Variants in MTNAP1 observed in about 807,000 individuals in gnomAD.
MTNAP1 encodes the protein mitochondrial nucleoid-associated protein 1.
chr17:73,235,856 A>T, the MTNAP1 span: 1 of 1,614,072 alleles, frequency 6.2e-7, no homozygotes, highest in African/African-American at 1.3e-5. Flanking sequence ...ATGTTAAAAA[A>T]TACTAAACCA....
At chr17:73,235,530 G>A in the MTNAP1 span, 2 of 1,613,864 alleles carry the variant, frequency 1.2e-6, no homozygotes, top group South Asian at 1.1e-5. Flanking sequence ...ACTGTAAGAA[G>A]CCATTTAAAC....
the MTNAP1 span, chr17:73,245,690 G>A: frequency 1.0e-6 from 1 of 985,372 alleles, no homozygotes; most frequent in Non-Finnish European, 1.2e-6. Context: ...TAAGGTGTGA[G>A]AAACACAAGA....
the MTNAP1 span, chr17:73,242,324 A>G: frequency 1.2e-6 from 2 of 1,602,202 alleles, no homozygotes; most frequent in South Asian, 1.1e-5. Context: ...CTTCTCTCTA[A>G]TGAGGCTCTT....
the MTNAP1 span, chr17:73,236,063 C>T: frequency 6.2e-7 from 1 of 1,614,124 alleles, no homozygotes; most frequent in Non-Finnish European, 8.5e-7. Flanking sequence ...TCAACTCTAC[C>T]TAATGATGTA....
the MTNAP1 span, chr17:73,242,945 C>T: frequency 2.5e-6 from 4 of 1,614,050 alleles, no homozygotes; most frequent in Admixed American, 6.7e-5. Flanking sequence ...TCGGTGGCAT[C>T]ACGATGCTCT....
At chr17:73,245,072 T>C in the MTNAP1 span, 1 of 1,205,784 alleles carries the variant, frequency 8.3e-7, no homozygotes, top group Non-Finnish European at 1.2e-6. Context: ...TCTAAACTTA[T>C]AAAACAAAAA....
chr17:73,247,117 AGCCCTGCTCAT>A, the MTNAP1 span: 1 of 794,486 alleles, frequency 1.3e-6, no homozygotes, highest in African/African-American at 1.7e-5. Flanking sequence ...TACAAAAACA[AGCCCTGCTCAT>A]TTGGTTAGGT....
chr17:73,234,430 G>A, the MTNAP1 span, among the ~76,000 whole-genome samples: 95 of 145,668 alleles, frequency 6.5e-4, 1 homozygote, highest in East Asian at 0.019. Flanking sequence ...GGTGTCTCAC[G>A]CCTGTAATCC....
the MTNAP1 span, chr17:73,242,151 C>T: frequency 1.3e-6 from 1 of 749,744 alleles, no homozygotes; most frequent in African/African-American, 1.8e-5. Flanking sequence ...TATGCTCTTC[C>T]TGAGGCTTAG....
chr17:73,238,589 G>T, the MTNAP1 span, among the ~76,000 whole-genome samples: 1 of 152,188 alleles, frequency 6.6e-6, no homozygotes, highest in Non-Finnish European at 1.5e-5. Flanking sequence ...CAAAGTTGTA[G>T]TCACAAAGTC....
At chr17:73,236,237 C>G in the MTNAP1 span, 1 of 1,614,076 alleles carries the variant, frequency 6.2e-7, no homozygotes, top group Non-Finnish European at 8.5e-7. Flanking sequence ...GAGAGAGATT[C>G]CAAAGGCAGG....
At chr17:73,234,536 C>G in the MTNAP1 span, among the ~76,000 whole-genome samples, 1 of 151,826 alleles carries the variant, frequency 6.6e-6, no homozygotes. Context: ...ACTAAAAATA[C>G]AAAAATTAGC....
At chr17:73,239,085 C>T in the MTNAP1 span, among the ~76,000 whole-genome samples, 2 of 151,982 alleles carry the variant, frequency 1.3e-5, no homozygotes, top group South Asian at 2.1e-4. Flanking sequence ...TACAGGTATG[C>T]GCCACCACGC....
chr17:73,240,017 G>C, the MTNAP1 span, among the ~76,000 whole-genome samples: 1 of 152,192 alleles, frequency 6.6e-6, no homozygotes, highest in African/African-American at 2.4e-5. Flanking sequence ...GCCTCAAGTA[G>C]AGTTTAAAGA....
At chr17:73,243,451 G>A in the MTNAP1 span, among the ~76,000 whole-genome samples, 1 of 152,012 alleles carries the variant, frequency 6.6e-6, no homozygotes, top group Non-Finnish European at 1.5e-5. Flanking sequence ...ACTGCACCTG[G>A]CAGGCTCCGG....
the MTNAP1 span, chr17:73,247,505 T>TA: frequency 1.6e-6 from 1 of 619,132 alleles, no homozygotes; most frequent in Non-Finnish European, 2.9e-6. Flanking sequence ...CTGCTATAAA[T>TA]AAAGTAGTAT....
chr17:73,243,962 C>G, the MTNAP1 span, among the ~76,000 whole-genome samples: 2 of 152,144 alleles, frequency 1.3e-5, no homozygotes, highest in East Asian at 3.8e-4. Flanking sequence ...ACCTTTACAC[C>G]ACAAAAGAGA....
At chr17:73,242,931 G>A in the MTNAP1 span, 1 of 1,613,944 alleles carries the variant, frequency 6.2e-7, no homozygotes, top group South Asian at 1.1e-5. Context: ...AAGGAAGAGT[G>A]GATTCGGTGG....
the MTNAP1 span, among the ~76,000 whole-genome samples, chr17:73,244,331 G>A: frequency 1.3e-5 from 2 of 152,104 alleles, no homozygotes; most frequent in Non-Finnish European, 2.9e-5. Context: ...GGGAGGCCGA[G>A]GCTGGCAGAT....
Sources: gnomAD v4.1 joint callset for allele counts (sites outside exome capture counted in the v4.1 genomes callset) on GRCh38, gnomAD v4.1.1 for gene constraint, MANE v1.5 for transcripts, NCBI Gene and HGNC (gene_info 2026-07-23, HGNC 2026-07-21) for gene names.